Variants in PCDHGA4 observed in about 807,000 individuals in gnomAD.
The protein encoded by PCDHGA4 is protocadherin gamma subfamily A, 4.
PCDHGA4 carries 38 observed loss-of-function variants against 54.6 expected under a neutral mutation model. The ratio of observed to expected loss-of-function variants is 0.70; its 90% CI spans 0.54 to 0.91. The LOEUF is 0.91. PCDHGA4 is among the 40% of genes least tolerant of loss of function. The probability of loss-of-function intolerance (pLI) is 0.00; values close to 1 mark genes in which losing one functional copy is unlikely to be tolerated. For synonymous variants in PCDHGA4, 511 were observed against 512.9 expected (o/e 1.00, Z 0.05); for missense variants, 1,298 against 1,220.9 (o/e 1.06, Z -0.94).
Position 141,415,384 on chromosome 5 carries a change from A to G in PCDHGA4, c.2514+57763A>G, listed in dbSNP as rs767664633. ...GCTGCAGGCTTCAGGAGGCGGCTTG[A>G]CAGGTGTGTCCGGCTCGCACTTTGT... On this transcript the variant is annotated intron_variant, in intron 1 of 3. Coordinates refer to ENST00000571252, the MANE Select transcript of PCDHGA4 (RefSeq NM_018917.4). 9.3e-6 allele frequency: 15 copies of G among 1,614,156 alleles called. No homozygotes were observed. The East Asian group carries it at 2.2e-4, about 24-fold the overall frequency.
At chr5:141,366,054 T>C in intron 1 of PCDHGA4, 2 of 1,614,220 alleles carry the variant, frequency 1.2e-6, no homozygotes, top group Non-Finnish European at 1.7e-6. Flanking sequence ...TCCACGGGCG[T>C]GGAGCTGGCG....
chr5:141,394,802 C>A, intron 1 of PCDHGA4: 1 of 1,613,810 alleles, frequency 6.2e-7, no homozygotes, highest in East Asian at 2.2e-5. Context: ...TCACCGTAGC[C>A]GTGGCTGACA....
intron 1 of PCDHGA4, chr5:141,371,031 ACAG>A (rs763935015): frequency 6.2e-7 from 1 of 1,613,990 alleles, no homozygotes; most frequent in East Asian, 2.2e-5. Context: ...CCTGGTCCTC[ACAG>A]CTGTGGATGG....
At chr5:141,415,767 T>TTTTTTTTTTTTTTTTTTTTTG (rs2095942916) in intron 1 of PCDHGA4, 1 of 1,300,668 alleles carries the variant, frequency 7.7e-7, no homozygotes, top group African/African-American at 1.8e-5. Flanking sequence ...TTTTTTTTTT[T>TTTTTTTTTTTTTTTTTTTTTG]TTTTTACTTT....
Position 141,477,809 on chromosome 5 carries a change from C to A in PCDHGA4, c.2515-16998C>A. 1 of 1,614,146 alleles carries A rather than the reference C, an allele frequency of 6.2e-7. No individual in the cohort carries two copies. Among genetic ancestry groups the A allele is most frequent in the Non-Finnish European group, 8.5e-7 (1 of 1,180,040 alleles). On this transcript the variant is annotated intron_variant, in intron 1 of 3. Coordinates refer to ENST00000571252, the MANE Select transcript of PCDHGA4 (RefSeq NM_018917.4). The surrounding 1 kb of genome is among the most constrained non-coding windows in gnomAD (Gnocchi z 4.9). ...TGTCACTGATCGCAATGACAATGCC[C>A]CCCAGGTCCTATATCCTCGGCCAGG...
At position 141,489,876 on chromosome 5, in the gene PCDHGA4, T is replaced by C. The variant is rs2099693265; in HGVS notation, c.2515-4931T>C. ...CCCAGGCAAGACATCAGCTGGTGCT[T>C]ACTGCTGTGGATGGGGGGACCCCAG... On this transcript the variant is annotated intron_variant, in intron 1 of 3. Transcript: ENST00000571252. This position sits in a 1 kb window ranked among gnomAD's most constrained non-coding sequence, Gnocchi z 4.5. The C allele has an allele frequency of 6.2e-7, 1 of 1,614,098 alleles. No homozygotes were observed. The highest frequency in any genetic ancestry group is 1.1e-5 in the South Asian group (1 of 91,094).
rs773383689 is a variant in PCDHGA4, at chr5:141,383,358, G to T, written c.2514+25737G>T. 5 of 1,613,982 alleles carry T rather than the reference G, an allele frequency of 3.1e-6. No individual in the cohort carries two copies. The South Asian group carries it at 3.3e-5, about 11-fold the overall frequency. ...ATACAGCTCCTGGGGTTCGGTTTCC[G>T]TTAAGCGAGGCTGGGGATCCAGATG... On this transcript the variant is annotated intron_variant, in intron 1 of 3. Transcript: ENST00000571252.
chr5:141,433,222 A>G, intron 1 of PCDHGA4: 6 of 1,519,556 alleles, frequency 3.9e-6, no homozygotes, highest in Non-Finnish European at 5.4e-6. Flanking sequence ...TTTTTTTTTA[A>G]TTGCTCTGTC....
At chr5:141,419,327 TC>T (rs774592605) in intron 1 of PCDHGA4, 1 of 1,613,856 alleles carries the variant, frequency 6.2e-7, no homozygotes, top group Non-Finnish European at 8.5e-7. Flanking sequence ...TGTCTCCTAC[TC>T]TCTCATTGCC....
intron 1 of PCDHGA4, among the ~76,000 whole-genome samples, chr5:141,437,431 A>G (rs1282194918): frequency 6.6e-6 from 1 of 152,234 alleles, no homozygotes; most frequent in African/African-American, 2.4e-5. Flanking sequence ...TGAAGCAGCA[A>G]TAGCATAGGA....
intron 1 of PCDHGA4, among the ~76,000 whole-genome samples, chr5:141,438,591 CAT>C (rs946798767): frequency 2.9e-3 from 219 of 75,538 alleles, no homozygotes; most frequent in Middle Eastern, 0.016. Context: ...TACATACATA[CAT>C]ATATATATAT....
chr5:141,422,106 C>G (rs763336868), intron 1 of PCDHGA4: 1 of 1,607,266 alleles, frequency 6.2e-7, no homozygotes, highest in Admixed American at 1.7e-5. Flanking sequence ...CTGAAATATT[C>G]CAATTGGATT....
chr5:141,385,424 C>CT, intron 1 of PCDHGA4: 1 of 1,461,926 alleles, frequency 6.8e-7, no homozygotes, highest in Admixed American at 2.8e-5. Flanking sequence ...ATTTAAAAAA[C>CT]TTTATAGAGG....
rs961341807 is a variant in PCDHGA4 at position 141,486,262 on chromosome 5, A to G, written c.2515-8545A>G. The G allele has an allele frequency of 6.2e-6, 10 of 1,613,912 alleles. No individual in the cohort carries two copies. Among genetic ancestry groups the G allele is most frequent in the Non-Finnish European group, 8.5e-6 (10 of 1,179,986 alleles). On this transcript the variant is annotated intron_variant, in intron 1 of 3. Transcript: ENST00000571252. This position sits in a 1 kb window ranked among gnomAD's most constrained non-coding sequence, Gnocchi z 5.0. ...AGCTTGGAACCCTCCCCGAGAGTGC[A>G]GAACCTGGCACTGTGGTGGCACTTA...
chr5:141,380,974 A>G (rs1008958709), intron 1 of PCDHGA4, among the ~76,000 whole-genome samples: 1 of 152,262 alleles, frequency 6.6e-6, no homozygotes, highest in Non-Finnish European at 1.5e-5. Flanking sequence ...TATTAAACAA[A>G]TAGAATTTAA....
Position 141,510,977 on chromosome 5 carries a change from G to T in PCDHGA4, c.2693G>T (p.Gly898Val). 1.2e-6 allele frequency: 2 copies of T among 1,614,170 alleles called. No individual in the cohort carries two copies. Among genetic ancestry groups the T allele is most frequent in the Non-Finnish European group, 1.7e-6 (2 of 1,180,020 alleles). The change falls in exon 4 of 4, where the codon GGG becomes GTG. Residue 898 changes from glycine to valine, a missense_variant. Physicochemically the swap from Gly to Val is moderately radical, Grantham distance 109. Transcript: ENST00000571252. ...GCTGATGGGAGCTCCACCCTGGGAG[G>T]GGGTGCCGGCACCATGGGATTGAGC... ...EAADGSSTLG[G>V]GAGTMGLSAR...
chr5:141,386,090 T>C (rs184634259), intron 1 of PCDHGA4: 1 of 152,362 alleles, frequency 6.6e-6, no homozygotes, highest in Non-Finnish European at 1.5e-5. Context: ...TACAGCCAGA[T>C]GAAGTGTGTC....
chr5:141,387,810 A>G (rs2091099710), intron 1 of PCDHGA4: 1 of 1,525,916 alleles, frequency 6.6e-7, no homozygotes. Context: ...TCGGAGATCC[A>G]AAAATCTGCA....
rs979237199 is a variant in PCDHGA4, at chr5:141,477,828, G to C, written c.2515-16979G>C. On this transcript the variant is annotated intron_variant, in intron 1 of 3. Transcript: ENST00000571252. This position sits in a 1 kb window ranked among gnomAD's most constrained non-coding sequence, Gnocchi z 4.9. Reference sequence around the variant, plus strand: ...AATGCCCCCCAGGTCCTATATCCTCGGCCAGGTGGGAGCTCGGTGGAGATG... The same window carrying C: ...AATGCCCCCCAGGTCCTATATCCTCCGCCAGGTGGGAGCTCGGTGGAGATG... The C allele has an allele frequency of 3.7e-6, 6 of 1,614,082 alleles. No individual in the cohort carries two copies. The highest frequency in any genetic ancestry group is 3.4e-6 in the Non-Finnish European group (4 of 1,180,006).
Sources: allele counts gnomAD v4.1 joint callset (sites outside exome capture counted in the v4.1 genomes callset), GRCh38; gene constraint gnomAD v4.1.1; non-coding constraint Gnocchi (gnomAD v3.1); transcripts MANE v1.5; gene names NCBI Gene and HGNC (gene_info 2026-07-23, HGNC 2026-07-21).